Variants in ST6GALNAC3 observed in about 807,000 individuals in gnomAD.
ST6GALNAC3 encodes ST6 N-acetylgalactosaminide alpha-2,6-sialyltransferase 3.
ST6GALNAC3 carries 25 observed loss-of-function variants against 32.7 expected under a neutral mutation model. The observed-to-expected ratio is 0.76, with a 90% CI of 0.56 to 1.07. ST6GALNAC3 has a LOEUF of 1.07. Among genes scored for constraint, ST6GALNAC3 ranks in the 50% least tolerant of loss-of-function variants. The pLI, the probability that ST6GALNAC3 is intolerant of heterozygous loss-of-function variation, is 0.00. For synonymous variants in ST6GALNAC3, 129 were observed against 133.1 expected, an observed-to-expected ratio of 0.97 and a Z score of 0.21; for missense variants, 355 against 382.4, an observed-to-expected ratio of 0.93 and a Z score of 0.60.
In ST6GALNAC3 at chr1:76,128,128, C is replaced by T. The variant is rs569167375; in HGVS notation, c.18+53244C>T. Among the ~76,000 whole-genome samples, 4 of 152,226 alleles carry T rather than the reference C, an allele frequency of 2.6e-5. No homozygotes were observed. In the South Asian group the frequency reaches 8.3e-4, roughly 32 times the overall value. ...AGAAGTCGGAGCCCATTGACCTTGGCCCCTGCATTGCCTATGGGCTTGGAA... is the reference window on the plus strand; with the variant it reads ...AGAAGTCGGAGCCCATTGACCTTGGTCCCTGCATTGCCTATGGGCTTGGAA... On this transcript the variant is annotated intron_variant, in intron 1 of 4. Coordinates refer to ENST00000328299, the MANE Select transcript of ST6GALNAC3 (RefSeq NM_152996.4).
At chr1:76,617,395 A>G (rs1648368762) in intron 3 of ST6GALNAC3, among the ~76,000 whole-genome samples, 1 of 152,120 alleles carries the variant, frequency 6.6e-6, no homozygotes, top group African/African-American at 2.4e-5. Flanking sequence ...GTATACGAAG[A>G]AGGAATGGCT....
chr1:76,554,219 G>A (rs1257238641), intron 3 of ST6GALNAC3, among the ~76,000 whole-genome samples: 1 of 151,758 alleles, frequency 6.6e-6, no homozygotes, highest in Non-Finnish European at 1.5e-5. Context: ...CATGTAGTTG[G>A]GTACTAAATC....
intron 1 of ST6GALNAC3, among the ~76,000 whole-genome samples, chr1:76,142,000 A>G (rs1252805442): frequency 6.6e-6 from 1 of 152,232 alleles, no homozygotes; most frequent in African/African-American, 2.4e-5. Flanking sequence ...AAAGGGCAAC[A>G]GAATCTCCAG....
intron 3 of ST6GALNAC3, among the ~76,000 whole-genome samples, chr1:76,583,575 T>C (rs1366748240): frequency 6.6e-6 from 1 of 152,212 alleles, no homozygotes; most frequent in African/African-American, 2.4e-5. Context: ...TCATGACTTC[T>C]AGTGATTTAA....
chr1:76,581,469 C>T (rs1646890862), intron 3 of ST6GALNAC3, among the ~76,000 whole-genome samples: 1 of 152,124 alleles, frequency 6.6e-6, no homozygotes, highest in Non-Finnish European at 1.5e-5. Context: ...TCTGTGTTCA[C>T]ATATATACAC....
At chr1:76,088,139 C>T (rs1646988501) in intron 1 of ST6GALNAC3, among the ~76,000 whole-genome samples, 1 of 152,130 alleles carries the variant, frequency 6.6e-6, no homozygotes, top group Non-Finnish European at 1.5e-5. Flanking sequence ...CCTCATTTTA[C>T]AGGTAAGGAA....
intron 1 of ST6GALNAC3, among the ~76,000 whole-genome samples, chr1:76,124,498 C>T (rs1649113650): frequency 6.6e-6 from 1 of 152,194 alleles, no homozygotes; most frequent in Non-Finnish European, 1.5e-5. Context: ...ATGTGCCGCA[C>T]TCCACCGACT....
At chr1:76,579,031 A>G (rs1384289227) in intron 3 of ST6GALNAC3, among the ~76,000 whole-genome samples, 1 of 152,036 alleles carries the variant, frequency 6.6e-6, no homozygotes, top group Non-Finnish European at 1.5e-5. Context: ...CACATTGGGT[A>G]TAGCTTTGGA....
At chr1:76,184,518 A>AGCGC (rs1229767694) in intron 1 of ST6GALNAC3, among the ~76,000 whole-genome samples, 1,457 of 68,896 alleles carry the variant, frequency 0.021, 24 homozygotes, top group African/African-American at 0.05. Context: ...CCTCCTGGGC[A>AGCGC]GCACACACAC....
At chr1:76,075,838 G>A (rs895813718) in intron 1 of ST6GALNAC3, among the ~76,000 whole-genome samples, 3 of 152,194 alleles carry the variant, frequency 2.0e-5, no homozygotes, top group Non-Finnish European at 4.4e-5. Flanking sequence ...AAGCCTGGGG[G>A]AACTGTGTGA....
At chr1:76,150,228 C>T (rs1267223327) in intron 1 of ST6GALNAC3, among the ~76,000 whole-genome samples, 2 of 152,154 alleles carry the variant, frequency 1.3e-5, no homozygotes, top group East Asian at 1.9e-4. Context: ...CTTCACCCGT[C>T]ACCACCCTGG....
intron 3 of ST6GALNAC3, among the ~76,000 whole-genome samples, chr1:76,600,646 T>C (rs1647210179): frequency 6.6e-6 from 1 of 152,200 alleles, no homozygotes; most frequent in Non-Finnish European, 1.5e-5. Flanking sequence ...GAGAGTGCAT[T>C]GTGCTATGTC....
intron 1 of ST6GALNAC3, among the ~76,000 whole-genome samples, chr1:76,113,488 G>A (rs1237549566): frequency 2.0e-5 from 3 of 150,744 alleles, no homozygotes; most frequent in Non-Finnish European, 4.4e-5. Context: ...AATCTGGAAT[G>A]TGTTCTTACA....
chr1:76,624,204 G>T (rs1029166846), intron 3 of ST6GALNAC3, among the ~76,000 whole-genome samples: 1 of 151,944 alleles, frequency 6.6e-6, no homozygotes, highest in African/African-American at 2.4e-5. Flanking sequence ...GAGCTAATTA[G>T]CATGGCATGT....
At chr1:76,184,691 G>T (rs1249252910) in intron 1 of ST6GALNAC3, among the ~76,000 whole-genome samples, 1 of 152,112 alleles carries the variant, frequency 6.6e-6, no homozygotes, top group Non-Finnish European at 1.5e-5. Flanking sequence ...GACCACCCAT[G>T]GGAACAGATG....
intron 3 of ST6GALNAC3, among the ~76,000 whole-genome samples, chr1:76,596,055 G>A (rs542858374): frequency 2.0e-4 from 30 of 152,158 alleles, no homozygotes; most frequent in East Asian, 3.9e-4. Flanking sequence ...ACTATAATGC[G>A]CGGCCAAGGC....
chr1:76,341,430 G>A (rs755615566), intron 2 of ST6GALNAC3, among the ~76,000 whole-genome samples: 9 of 152,044 alleles, frequency 5.9e-5, no homozygotes, highest in Non-Finnish European at 1.2e-4. Flanking sequence ...GTGTGTATGT[G>A]ACACATTTTC....
chr1:76,582,827 C>T (rs562892143), intron 3 of ST6GALNAC3, among the ~76,000 whole-genome samples: 1 of 152,112 alleles, frequency 6.6e-6, no homozygotes, highest in Non-Finnish European at 1.5e-5. Context: ...TGGATGTTCA[C>T]ACTCCTAGTT....
chr1:76,581,859 G>C (rs768443902), intron 3 of ST6GALNAC3, among the ~76,000 whole-genome samples: 8 of 152,072 alleles, frequency 5.3e-5, no homozygotes, highest in Non-Finnish European at 1.0e-4. Context: ...CATTGAGTTA[G>C]TTCTGATGAG....
Sources: gnomAD v4.1 joint callset for allele counts (sites outside exome capture counted in the v4.1 genomes callset) on GRCh38, gnomAD v4.1.1 for gene constraint, MANE v1.5 for transcripts, NCBI Gene and HGNC (gene_info 2026-07-23, HGNC 2026-07-21) for gene names.